The following ADGRL3 variants were observed in gnomAD, a reference collection of about 807,000 sequenced individuals.
ADGRL3 encodes adhesion G protein-coupled receptor L3.
A neutral mutation model predicts 153.5 loss-of-function variants in ADGRL3; 62 were observed. The observed-to-expected ratio is 0.40, with a 90% confidence interval of 0.33 to 0.50. ADGRL3 has a LOEUF of 0.50. ADGRL3 is among the 20% of genes least tolerant of loss of function. The pLI is 0.47. For synonymous variants in ADGRL3, 710 were observed against 672.5 expected (o/e 1.06, Z -0.86); for missense variants, 1,641 against 1,859.4 (o/e 0.88, Z 2.16).
At chr4:61,343,401 A>C (rs1473685214) in intron 1 of ADGRL3, among the ~76,000 whole-genome samples, 1 of 152,128 alleles carries the variant, frequency 6.6e-6, no homozygotes, top group Admixed American at 6.6e-5. Context: ...ACAGCCTTGC[A>C]AGTACTCTCA....
intron 2 of ADGRL3, among the ~76,000 whole-genome samples, chr4:61,389,270 T>G (rs1042115378): frequency 5.9e-5 from 9 of 152,136 alleles, no homozygotes; most frequent in African/African-American, 2.2e-4. Context: ...AGAAGGCAGT[T>G]GATAGGTCTT....
chr4:62,028,458 A>T (rs1720121733), intron 21 of ADGRL3, among the ~76,000 whole-genome samples: 1 of 151,784 alleles, frequency 6.6e-6, no homozygotes, highest in Admixed American at 6.6e-5. Flanking sequence ...ATATTACGGA[A>T]TAAGAATACC....
In ADGRL3 at chr4:61,369,396, T is replaced by A. The variant is rs1422956096; in HGVS notation, c.-239-13728T>A. On this transcript the variant is annotated intron_variant, in intron 1 of 26. Transcript: ENST00000683033. ...ATAGATAGCTCTTATTATTTTGAGATATGTCCCATCAATACCTAATTTATT... is the reference window on the plus strand; with the variant it reads ...ATAGATAGCTCTTATTATTTTGAGAAATGTCCCATCAATACCTAATTTATT... Among the ~76,000 whole-genome samples, 4 of 152,170 alleles carry A rather than the reference T, an allele frequency of 2.6e-5. No individual in the cohort carries two copies. In the East Asian group the frequency reaches 7.7e-4, roughly 29 times the overall value.
At chr4:61,686,936 C>T (rs2095456472) in intron 6 of ADGRL3, among the ~76,000 whole-genome samples, 2 of 151,942 alleles carry the variant, frequency 1.3e-5, no homozygotes, top group South Asian at 4.1e-4. Flanking sequence ...AACATAATGT[C>T]CTCCAGGTTC....
At chr4:61,372,849 G>T (rs1435181985) in intron 1 of ADGRL3, among the ~76,000 whole-genome samples, 4 of 152,186 alleles carry the variant, frequency 2.6e-5, no homozygotes, top group African/African-American at 9.6e-5. Flanking sequence ...CTTGCAGTTT[G>T]ATCTCAGACT....
At chr4:61,704,533 T>C (rs1304316159) in intron 6 of ADGRL3, among the ~76,000 whole-genome samples, 1 of 152,188 alleles carries the variant, frequency 6.6e-6, no homozygotes, top group Non-Finnish European at 1.5e-5. Context: ...GCCTTGATGC[T>C]GATGGCTGCT....
Position 62,049,219 on chromosome 4 carries a change from C to T in ADGRL3, c.3814+4670C>T. ...TTGAATCACAAAAGAGTGCCCCATTCCCACCCCAGCCCTGAAGTTATTGTA... is the reference window on the plus strand; with the variant it reads ...TTGAATCACAAAAGAGTGCCCCATTTCCACCCCAGCCCTGAAGTTATTGTA... On this transcript the variant is annotated intron_variant, in intron 25 of 26. Coordinates refer to ENST00000683033, the MANE Select transcript of ADGRL3 (RefSeq NM_001387552.1). Among the ~76,000 whole-genome samples the T allele has an allele frequency of 1.3e-5, 2 of 152,002 alleles. 1 individual carries two copies. The highest frequency in any genetic ancestry group is 2.9e-5 in the Non-Finnish European group (2 of 68,006).
intron 8 of ADGRL3, among the ~76,000 whole-genome samples, chr4:61,805,557 C>T (rs1323910528): frequency 6.6e-6 from 1 of 152,114 alleles, no homozygotes; most frequent in East Asian, 1.9e-4. Flanking sequence ...ATTATTTTTC[C>T]AGCACCATAA....
intron 2 of ADGRL3, among the ~76,000 whole-genome samples, chr4:61,438,346 TTTTA>T (rs1463973932): frequency 1.2e-4 from 18 of 151,382 alleles, no homozygotes; most frequent in Admixed American, 2.6e-4. Context: ...TTATTTTTAT[TTTTA>T]TTTATTTATT....
chr4:61,779,313 C>A (rs57521570), intron 8 of ADGRL3, among the ~76,000 whole-genome samples: 1 of 151,502 alleles, frequency 6.6e-6, no homozygotes, highest in Non-Finnish European at 1.5e-5. Context: ...TGAAACTCTG[C>A]GGGGGGGTGG....
In ADGRL3 at chr4:61,312,382, C is replaced by T. The variant is rs749933722; in HGVS notation, c.-239-70742C>T. On this transcript the variant is annotated intron_variant, in intron 1 of 26. Transcript: ENST00000683033. ...GAGTTTGACAAAGACTTTTTATACA[C>T]ACAATCACAGTCAATCCATGGAAGA... Among the ~76,000 whole-genome samples, 29 of 152,116 alleles carry T rather than the reference C, an allele frequency of 1.9e-4. 1 individual carries two copies. The highest frequency in any genetic ancestry group is 1.4e-3 in the Admixed American group (22 of 15,274).
At position 61,760,006 on chromosome 4, in the gene ADGRL3, G is replaced by A. The variant is rs569779607; in HGVS notation, c.1399+26452G>A. ...CATCGGATACTGGTGACCAGCAAAT[G>A]TTGCTGCCTGATTGTTCCTCTGGAA... On this transcript the variant is annotated intron_variant, in intron 8 of 26. Transcript: ENST00000683033. Among the ~76,000 whole-genome samples the A allele has an allele frequency of 3.9e-5, 6 of 152,288 alleles. No homozygotes were observed. The South Asian group carries it at 1.2e-3, about 32-fold the overall frequency.
At chr4:62,016,086 G>C (rs764718915) in intron 21 of ADGRL3, among the ~76,000 whole-genome samples, 2 of 150,418 alleles carry the variant, frequency 1.3e-5, no homozygotes, top group Non-Finnish European at 3.0e-5. Context: ...GTCTCGCTCT[G>C]TCACCAGGCT....
chr4:62,018,194 C>T (rs143753035), intron 21 of ADGRL3, among the ~76,000 whole-genome samples: 1 of 152,178 alleles, frequency 6.6e-6, no homozygotes, highest in African/African-American at 2.4e-5. Context: ...TCCCAAAGGC[C>T]AGCAGGTGCT....
chr4:61,762,601 A>C (rs968202300), intron 8 of ADGRL3, among the ~76,000 whole-genome samples: 1 of 152,194 alleles, frequency 6.6e-6, no homozygotes, highest in Non-Finnish European at 1.5e-5. Context: ...TCAAAGGCAA[A>C]TACCGTAAGT....
intron 8 of ADGRL3, chr4:61,775,702 CA>C: frequency 5.8e-6 from 8 of 1,375,092 alleles, no homozygotes; most frequent in Non-Finnish European, 8.2e-6. Flanking sequence ...TGCAAGCACA[CA>C]AAGGTGGGCT....
intron 8 of ADGRL3, among the ~76,000 whole-genome samples, chr4:61,750,739 G>C (rs186733234): frequency 0.011 from 1,703 of 149,042 alleles, 52 homozygotes; most frequent in African/African-American, 0.041. Flanking sequence ...GCAGTGAGCC[G>C]AGATCCCGCC....
intron 5 of ADGRL3, among the ~76,000 whole-genome samples, chr4:61,670,964 C>A (rs951617174): frequency 6.6e-6 from 1 of 152,160 alleles, no homozygotes; most frequent in Non-Finnish European, 1.5e-5. Context: ...TCTGAGCAAG[C>A]ATTTTGTTAT....
At chr4:61,649,688 A>G (rs1382576194) in intron 5 of ADGRL3, among the ~76,000 whole-genome samples, 2 of 152,140 alleles carry the variant, frequency 1.3e-5, no homozygotes, top group Admixed American at 6.6e-5. Context: ...GAATGTTTAG[A>G]GAGACTCCAG....
Sources: gnomAD v4.1 joint callset for allele counts (sites outside exome capture counted in the v4.1 genomes callset) on GRCh38, gnomAD v4.1.1 for gene constraint, MANE v1.5 for transcripts, NCBI Gene and HGNC (gene_info 2026-07-23, HGNC 2026-07-21) for gene names.